The following FSTL5 variants were observed in gnomAD, a reference collection of about 807,000 sequenced individuals.
The protein encoded by FSTL5 is follistatin like 5.
FSTL5 carries 62 observed loss-of-function variants against 89.1 expected under a neutral mutation model. The ratio of observed to expected loss-of-function variants is 0.70; its 90% CI spans 0.57 to 0.86. The LOEUF (loss-of-function observed/expected upper bound fraction) is 0.86, where lower values mean the gene tolerates loss of function less well. Among genes scored for constraint, FSTL5 ranks in the 40% least tolerant of loss-of-function variants. FSTL5 has a pLI of 0.00. For synonymous variants in FSTL5, 383 were observed against 346.2 expected (o/e 1.11, Z -1.18); for missense variants, 1,057 against 1,001.6 (o/e 1.06, Z -0.75).
At chr4:161,455,482 C>CA (rs1425927331) in intron 14 of FSTL5, among the ~76,000 whole-genome samples, 2 of 152,034 alleles carry the variant, frequency 1.3e-5, no homozygotes, top group Non-Finnish European at 2.9e-5. Flanking sequence ...GATATTAGGA[C>CA]AAAATCCCTC....
At chr4:161,633,982 C>G (rs771778242) in intron 7 of FSTL5, among the ~76,000 whole-genome samples, 1 of 152,140 alleles carries the variant, frequency 6.6e-6, no homozygotes, top group South Asian at 2.1e-4. Flanking sequence ...TTTGGAGTTA[C>G]CTTTCTATAG....
intron 13 of FSTL5, among the ~76,000 whole-genome samples, chr4:161,479,125 AT>A (rs1322417349): frequency 2.0e-5 from 3 of 152,064 alleles, no homozygotes; most frequent in Non-Finnish European, 2.9e-5. Context: ...TTATCAACCT[AT>A]AAAAATGTGT....
rs771233777 is a variant in FSTL5, at chr4:161,775,991, T to C, written c.493A>G (p.Asn165Asp). The part of the protein sequence containing the change: ...LQNQKYIMQE[N>D]ENPNGDDISR... ...ATGTCGTCGCCATTAGGATTTTCAT[T>C]TTCTTGCATAATATATTTTTGATTT... is the stretch of plus-strand genomic sequence containing the variant. The change falls in exon 5 of 16, where the codon AAT (asparagine) becomes GAT (aspartate). Residue 165 changes from asparagine to aspartate, a missense_variant. This residue lies in a region of FSTL5 where 980 missense variants were observed against 903.2 expected (regional missense o/e 1.08). Transcript: ENST00000306100. 1 of 1,599,828 alleles carries C rather than the reference T, an allele frequency of 6.3e-7. No homozygotes were observed. The highest frequency in any genetic ancestry group is 1.1e-5 in the South Asian group (1 of 89,590).
In FSTL5 at chr4:161,920,512, A is replaced by T; in HGVS notation, c.301T>A (p.Cys101Ser). The T allele has an allele frequency of 6.2e-7, 1 of 1,614,048 alleles. No individual in the cohort carries two copies. The highest frequency in any genetic ancestry group is 8.5e-7 in the Non-Finnish European group (1 of 1,179,994). Residue 101 changes from cysteine (C) to serine (S), a missense_variant, in exon 4 of 16, where the codon TGT becomes AGT. By Grantham distance (112) the Cys-to-Ser change is moderately radical. This residue lies in a region of FSTL5 where 980 missense variants were observed against 903.2 expected (regional missense o/e 1.08). Transcript: ENST00000306100. ...TCATAGAATTCTCCGTCAGATCCAC[A>T]CACAGGTTTGTAGTGACGTTTGCAA... ...DLCKRHYKPVCGSDGEFYENH... is the reference protein window; with the variant it reads ...DLCKRHYKPVSGSDGEFYENH...
At chr4:161,993,210 A>G (rs1405216072) in intron 3 of FSTL5, among the ~76,000 whole-genome samples, 2 of 151,786 alleles carry the variant, frequency 1.3e-5, no homozygotes, top group African/African-American at 4.8e-5. Flanking sequence ...ACATCACAAT[A>G]CTGTCATCTA....
chr4:161,575,440 T>C (rs1733175085), intron 8 of FSTL5, among the ~76,000 whole-genome samples: 1 of 152,092 alleles, frequency 6.6e-6, no homozygotes. Flanking sequence ...TGAATGGTAT[T>C]GTCCAGGTTT....
intron 10 of FSTL5, among the ~76,000 whole-genome samples, chr4:161,529,775 G>A (rs964372914): frequency 7.0e-6 from 1 of 142,302 alleles, no homozygotes; most frequent in Non-Finnish European, 1.5e-5. Context: ...CGGCTGTGAT[G>A]TCTGCACTTT....
intron 12 of FSTL5, among the ~76,000 whole-genome samples, chr4:161,490,138 ATAT>A (rs1370819219): frequency 1.3e-5 from 2 of 152,132 alleles, no homozygotes; most frequent in Admixed American, 1.3e-4. Flanking sequence ...TGAATTTCTA[ATAT>A]TATTGTGGAA....
chr4:161,902,774 G>A (rs986747259), intron 4 of FSTL5, among the ~76,000 whole-genome samples: 1 of 152,064 alleles, frequency 6.6e-6, no homozygotes, highest in Non-Finnish European at 1.5e-5. Context: ...GCGTGAACCC[G>A]GGAGGCGGAG....
chr4:161,695,404 G>A (rs1738106700), intron 6 of FSTL5, among the ~76,000 whole-genome samples: 1 of 137,504 alleles, frequency 7.3e-6, no homozygotes, highest in Non-Finnish European at 1.6e-5. Flanking sequence ...TTTAATGGCT[G>A]AGTAGTATTC....
At chr4:161,539,646 A>G (rs928919474) in intron 9 of FSTL5, among the ~76,000 whole-genome samples, 7 of 152,142 alleles carry the variant, frequency 4.6e-5, no homozygotes, top group Admixed American at 2.6e-4. Context: ...GCAGCATTAA[A>G]GCAGCCAGGC....
chr4:161,489,271 G>A (rs1729786005), intron 12 of FSTL5, among the ~76,000 whole-genome samples: 1 of 152,010 alleles, frequency 6.6e-6, no homozygotes. Context: ...AAGGTCCAGG[G>A]GCCATTAGAC....
At chr4:161,477,200 C>T (rs1024925550) in intron 13 of FSTL5, among the ~76,000 whole-genome samples, 12 of 151,436 alleles carry the variant, frequency 7.9e-5, no homozygotes, top group Admixed American at 3.9e-4. Context: ...TGATATTCAT[C>T]ATTTCTACTG....
At chr4:161,662,511 T>C (rs1464502437) in intron 6 of FSTL5, among the ~76,000 whole-genome samples, 1 of 152,064 alleles carries the variant, frequency 6.6e-6, no homozygotes, top group Non-Finnish European at 1.5e-5. Context: ...AAATTAATAA[T>C]TAAATGTATG....
chr4:161,933,676 A>T (rs778631020), intron 3 of FSTL5, among the ~76,000 whole-genome samples: 1 of 151,878 alleles, frequency 6.6e-6, no homozygotes, highest in African/African-American at 2.4e-5. Context: ...GAAATACAGA[A>T]AACCAGTAAT....
intron 15 of FSTL5, among the ~76,000 whole-genome samples, chr4:161,389,981 T>C (rs938659420): frequency 6.6e-6 from 1 of 152,196 alleles, no homozygotes; most frequent in Non-Finnish European, 1.5e-5. Context: ...TTTCCATTCA[T>C]GTATATTAGA....
intron 5 of FSTL5, among the ~76,000 whole-genome samples, chr4:161,770,579 T>C (rs1038204062): frequency 9.9e-5 from 15 of 152,110 alleles, no homozygotes; most frequent in Admixed American, 4.6e-4. Context: ...AGTATTTAAA[T>C]TGTAAAATAT....
chr4:161,391,983 C>CT (rs1022315933), intron 15 of FSTL5, among the ~76,000 whole-genome samples: 2 of 152,110 alleles, frequency 1.3e-5, no homozygotes, highest in African/African-American at 4.8e-5. Flanking sequence ...CACTTTTAGA[C>CT]TTTTTTTCCT....
intron 6 of FSTL5, among the ~76,000 whole-genome samples, chr4:161,726,776 A>G (rs943543405): frequency 1.3e-5 from 2 of 151,908 alleles, no homozygotes; most frequent in African/African-American, 4.8e-5. Context: ...AACTATATAC[A>G]TATATATATT....
Sources: allele counts gnomAD v4.1 joint callset (sites outside exome capture counted in the v4.1 genomes callset), GRCh38; gene constraint gnomAD v4.1.1; regional missense constraint gnomAD v4.1.1; transcripts MANE v1.5; gene names NCBI Gene and HGNC (gene_info 2026-07-23, HGNC 2026-07-21).